Variants in ZNF516 observed in about 807,000 individuals in gnomAD.
The protein encoded by ZNF516 is zinc finger protein 516.
ZNF516 carries 19 observed loss-of-function variants against 79.7 expected under a neutral mutation model. The ratio of observed to expected loss-of-function variants is 0.24; its 90% CI spans 0.17 to 0.35. The LOEUF (loss-of-function observed/expected upper bound fraction) is 0.35. Among genes scored for constraint, ZNF516 ranks in the 10% least tolerant of loss-of-function variants. ZNF516 has a pLI of 1.00. For missense variants in ZNF516, 1,678 were observed against 1,679.5 expected (o/e 1.00, Z 0.02); for synonymous variants, 877 against 739.5 (o/e 1.19, Z -3.02).
intron 3 of ZNF516, chr18:76,386,594 G>T (rs1041082567): frequency 1.3e-5 from 2 of 152,078 alleles, no homozygotes; most frequent in African/African-American, 4.8e-5. Flanking sequence ...TAATTCTAAG[G>T]AGCCTCAGGA....
rs1911755606 is a variant in ZNF516 at position 76,442,554 on chromosome 18, C to T, written c.501G>A (p.Pro167=). The change falls in exon 3 of 7, where the codon CCG becomes CCA. Residue 167 remains proline (P), a synonymous_variant. Transcript: ENST00000443185. The part of the protein sequence containing the change: ...KKGAEGSACA[P]GEAKAAVQCS... ...ACTGGACCGCTGCCTTGGCCTCCCCCGGGGCGCATGCGGACCCCTCTGCCC... is the reference window on the plus strand; with the variant it reads ...ACTGGACCGCTGCCTTGGCCTCCCCTGGGGCGCATGCGGACCCCTCTGCCC... 1.9e-6 allele frequency: 3 copies of T among 1,599,034 alleles called. No individual in the cohort carries two copies.
intron 3 of ZNF516, among the ~76,000 whole-genome samples, chr18:76,403,327 C>T (rs185025673): frequency 2.0e-5 from 3 of 152,310 alleles, no homozygotes; most frequent in Non-Finnish European, 2.9e-5. Context: ...AGAAGCCACA[C>T]ACACAGGCAC....
intron 3 of ZNF516, among the ~76,000 whole-genome samples, chr18:76,427,043 AGG>A (rs1483566398): frequency 2.0e-5 from 3 of 152,176 alleles, no homozygotes; most frequent in Admixed American, 2.0e-4. Flanking sequence ...GGGACTGCAA[AGG>A]TGAGGATCAG....
intron 3 of ZNF516, among the ~76,000 whole-genome samples, chr18:76,417,233 T>A (rs577988683): frequency 2.9e-4 from 44 of 152,318 alleles, no homozygotes; most frequent in Non-Finnish European, 1.5e-5. Flanking sequence ...GCTCTCCCTG[T>A]CCCAGGCAAG....
chr18:76,380,113 G>A lies in ZNF516; in HGVS notation c.2001C>T (p.His667=), dbSNP rs1219741045. The stretch of plus-strand genomic sequence containing the variant: ...GCATCTTTAAGTCCATAGAAAATCT[G>A]TGCTGCTCTTGCCTTCTAGAAGTCT... ...SRETSRRQEQ[H]RFSMDLKMPA... is the part of the protein sequence containing the mutation. The change falls in exon 4 of 7, where the codon CAC becomes CAT. Residue 667 remains histidine, a synonymous_variant. Coordinates refer to ENST00000443185, the MANE Select transcript of ZNF516 (RefSeq NM_014643.4). 6.2e-7 allele frequency: 1 copy of A among 1,613,934 alleles called. No homozygotes were observed. The highest frequency in any genetic ancestry group is 2.2e-5 in the East Asian group (1 of 44,870).
At chr18:76,494,901 GCC>G (rs1291558628) in intron 1 of ZNF516, among the ~76,000 whole-genome samples, 1 of 78,906 alleles carries the variant, frequency 1.3e-5, no homozygotes, top group African/African-American at 5.1e-5. Context: ...TCGCCCCGCC[GCC>G]CGAAGTTGCA....
chr18:76,453,703 A>G (rs1912554750), intron 2 of ZNF516, among the ~76,000 whole-genome samples: 1 of 152,202 alleles, frequency 6.6e-6, no homozygotes, highest in Non-Finnish European at 1.5e-5. Context: ...CTTAATATAA[A>G]ATTTCTTAAA....
chr18:76,403,900 TG>T (rs1353171322), intron 3 of ZNF516, among the ~76,000 whole-genome samples: 1 of 152,206 alleles, frequency 6.6e-6, no homozygotes, highest in Non-Finnish European at 1.5e-5. Context: ...TGCATACCCC[TG>T]CAACAGTCTC....
intron 3 of ZNF516, among the ~76,000 whole-genome samples, chr18:76,432,906 A>G (rs1431879234): frequency 6.6e-6 from 1 of 152,242 alleles, no homozygotes; most frequent in African/African-American, 2.4e-5. Flanking sequence ...ACTCCAAGCC[A>G]TGGCTCTAAC....
At chr18:76,422,198 C>T (rs2075517506) in intron 3 of ZNF516, among the ~76,000 whole-genome samples, 1 of 152,120 alleles carries the variant, frequency 6.6e-6, no homozygotes, top group Admixed American at 6.5e-5. Flanking sequence ...CTAAATAAGA[C>T]ACAGTAAACT....
intron 2 of ZNF516, among the ~76,000 whole-genome samples, chr18:76,445,969 C>CTG (rs1290632579): frequency 6.6e-6 from 1 of 152,352 alleles, no homozygotes; most frequent in Admixed American, 6.5e-5. Flanking sequence ...TGCCAGCCAG[C>CTG]TGTGTGCCAG....
At chr18:76,491,598 C>G (rs1915225804) in intron 1 of ZNF516, 3 of 225,604 alleles carry the variant, frequency 1.3e-5, no homozygotes, top group Admixed American at 7.6e-5. Context: ...CAGGCCCTCC[C>G]CGTGCTTCTC....
intron 3 of ZNF516, among the ~76,000 whole-genome samples, chr18:76,414,989 G>C (rs2075415060): frequency 6.6e-6 from 1 of 152,242 alleles, no homozygotes. Context: ...CCTGAGGTCA[G>C]GAGTTCAAGA....
rs753405490 is a variant in ZNF516, at chr18:76,442,611, G to T, written c.444C>A (p.Ser148Arg). 3.8e-6 allele frequency: 6 copies of T among 1,596,940 alleles called. No individual in the cohort carries two copies. In the East Asian group the frequency reaches 1.3e-4, roughly 36 times the overall value. ...RVLNGASQAD[S>R]GRVLLRSSKK... ...TGCTGCTCCGCAGCAGGACTCTGCC[G>T]CTGTCGGCCTGCGAGGCCCCGTTCA... The change falls in exon 3 of 7, where the codon AGC (serine) becomes AGA (arginine). Residue 148 changes from serine to arginine, a missense_variant. Ser to Arg is a moderately radical substitution (Grantham distance 110, BLOSUM62 -1). This residue lies in a region of ZNF516 where 279 missense variants were observed against 254.1 expected (regional missense o/e 1.10). Transcript: ENST00000443185.
At chr18:76,417,986 C>T (rs35516239) in intron 3 of ZNF516, among the ~76,000 whole-genome samples, 43,561 of 152,054 alleles carry the variant, frequency 0.29, 7,256 homozygotes, top group East Asian at 0.45. Context: ...GTAGCTTTTT[C>T]GGTAAAAATA....
intron 3 of ZNF516, among the ~76,000 whole-genome samples, chr18:76,420,883 C>T (rs2075498355): frequency 6.6e-6 from 1 of 152,206 alleles, no homozygotes; most frequent in Non-Finnish European, 1.5e-5. Flanking sequence ...ATAAGTGTAA[C>T]TGAATTTCCT....
intron 2 of ZNF516, among the ~76,000 whole-genome samples, chr18:76,457,641 G>A (rs1026735137): frequency 8.5e-5 from 13 of 152,144 alleles, no homozygotes; most frequent in African/African-American, 3.1e-4. Context: ...CCCTGACGCC[G>A]GGGAGGTCGA....
chr18:76,383,890 C>G (rs903707640), intron 3 of ZNF516, among the ~76,000 whole-genome samples: 11 of 152,228 alleles, frequency 7.2e-5, no homozygotes, highest in Non-Finnish European at 1.3e-4. Context: ...AAGGGCCCTC[C>G]AGGGGCCTCC....
chr18:76,473,355 C>CAAAA (rs35092154), intron 1 of ZNF516, among the ~76,000 whole-genome samples: 61 of 87,654 alleles, frequency 7.0e-4, no homozygotes, highest in Non-Finnish European at 9.9e-4. Flanking sequence ...TTGCTCTCTG[C>CAAAA]AAAAAAAAAA....
Sources: gnomAD v4.1 joint callset for allele counts (sites outside exome capture counted in the v4.1 genomes callset) on GRCh38, gnomAD v4.1.1 for gene constraint, gnomAD v4.1.1 regional missense constraint, MANE v1.5 for transcripts, NCBI Gene and HGNC (gene_info 2026-07-23, HGNC 2026-07-21) for gene names.